The following LNX1 variants were observed in gnomAD, a reference collection of about 807,000 sequenced individuals.
LNX1 encodes the protein E3 ubiquitin-protein ligase LNX.
Under a neutral mutation model 68.4 loss-of-function variants are expected in LNX1, and 54 were observed. That is an observed-to-expected ratio of 0.79 (90% CI 0.63 to 0.99). The LOEUF is 0.99. LNX1 is among the 50% of genes least tolerant of loss of function. The pLI is 0.00. For synonymous variants in LNX1, 336 were observed against 350.0 expected (o/e 0.96, Z 0.45); for missense variants, 906 against 926.4 (o/e 0.98, Z 0.29).
rs1454698619 is a variant in LNX1, at chr4:53,460,637, T to A, written c.*270A>T. 3.0e-6 allele frequency: 1 copy of A among 338,306 alleles called. No individual in the cohort carries two copies. The highest frequency in any genetic ancestry group is 2.1e-5 in the African/African-American group (1 of 46,564). 21.0% of individuals were successfully genotyped at this position (338,306 alleles called of 1,614,324 possible). On this transcript the variant is annotated 3_prime_UTR_variant, in exon 11 of 11. Transcript: ENST00000263925. The stretch of plus-strand genomic sequence containing the variant: ...AGTGGGGTATACAAATCATTTTAGT[T>A]GTTTTAGGGCTTTTTATTGAATAGA...
chr4:53,576,172 G>A, intron 1 of LNX1: 1 of 1,576,202 alleles, frequency 6.3e-7, no homozygotes, highest in South Asian at 1.2e-5. Flanking sequence ...CCATGTTGCT[G>A]ACTTTCAGTG....
chr4:53,571,528 A>C (rs575184574), intron 2 of LNX1, among the ~76,000 whole-genome samples: 4 of 152,294 alleles, frequency 2.6e-5, no homozygotes, highest in Admixed American at 2.0e-4. Flanking sequence ...GAAGACAGGC[A>C]GCACTAGAAG....
At chr4:53,648,081 G>A (rs760966835) in intron 1 of LNX1, among the ~76,000 whole-genome samples, 5 of 152,222 alleles carry the variant, frequency 3.3e-5, no homozygotes, top group Non-Finnish European at 7.3e-5. Context: ...ACAAATATAT[G>A]TTTGAGTCCC....
At chr4:53,621,886 T>C (rs1733893160), upstream of LNX1, among the ~76,000 whole-genome samples, 1 of 152,116 alleles carries the variant, frequency 6.6e-6, no homozygotes, top group Admixed American at 6.5e-5. Context: ...ACCGGATTTG[T>C]TGCCTCATTA....
At chr4:53,635,771 A>G (rs1734449222) in intron 1 of LNX1, among the ~76,000 whole-genome samples, 1 of 152,220 alleles carries the variant, frequency 6.6e-6, no homozygotes, top group Non-Finnish European at 1.5e-5. Flanking sequence ...GTTTTAACCT[A>G]GTGCTTTTAA....
chr4:53,469,019 T>C (rs1269257057), intron 9 of LNX1, among the ~76,000 whole-genome samples: 3 of 152,156 alleles, frequency 2.0e-5, no homozygotes, highest in Non-Finnish European at 4.4e-5. Flanking sequence ...CTCTCCACCC[T>C]AAATCAACAG....
chr4:53,557,759 G>T, intron 2 of LNX1: 1 of 1,221,488 alleles, frequency 8.2e-7, no homozygotes, highest in Non-Finnish European at 1.1e-6. Flanking sequence ...TTGTCCAAGT[G>T]CATCTAGTAT....
chr4:53,544,993 C>G (rs930961985), intron 2 of LNX1, among the ~76,000 whole-genome samples: 7 of 152,154 alleles, frequency 4.6e-5, no homozygotes, highest in Non-Finnish European at 7.3e-5. Flanking sequence ...TTGCATTGCA[C>G]GAAGGTGGAG....
At chr4:53,541,690 A>T (rs1194963647) in intron 2 of LNX1, among the ~76,000 whole-genome samples, 1 of 152,226 alleles carries the variant, frequency 6.6e-6, no homozygotes, top group African/African-American at 2.4e-5. Context: ...GAGCCAAAAC[A>T]GAACGACTTA....
At chr4:53,585,499 A>G (rs576325913) in intron 1 of LNX1, among the ~76,000 whole-genome samples, 1 of 152,274 alleles carries the variant, frequency 6.6e-6, no homozygotes, top group African/African-American at 2.4e-5. Flanking sequence ...TGTGACTATG[A>G]CCTTACAGGA....
intron 2 of LNX1, among the ~76,000 whole-genome samples, chr4:53,528,440 C>T (rs1727783554): frequency 6.6e-6 from 1 of 152,196 alleles, no homozygotes; most frequent in East Asian, 1.9e-4. Context: ...CTCATATTAT[C>T]ACATGTAGAA....
chr4:53,486,433 C>A (rs2109434760), intron 6 of LNX1, among the ~76,000 whole-genome samples: 1 of 152,288 alleles, frequency 6.6e-6, no homozygotes, highest in Non-Finnish European at 1.5e-5. Context: ...TGATGCCATC[C>A]ATATTCTCCC....
At chr4:53,491,487 A>G (rs377730061) in intron 6 of LNX1, among the ~76,000 whole-genome samples, 28 of 152,256 alleles carry the variant, frequency 1.8e-4, no homozygotes, top group Middle Eastern at 3.4e-3. Flanking sequence ...AACTGTACCA[A>G]CCTAGTTCAG....
At chr4:53,648,304 T>TA (rs1184113428) in intron 1 of LNX1, among the ~76,000 whole-genome samples, 12 of 152,254 alleles carry the variant, frequency 7.9e-5, no homozygotes, top group Non-Finnish European at 1.5e-4. Context: ...GTAGCCATGC[T>TA]AATGGGTGGG....
intron 9 of LNX1, among the ~76,000 whole-genome samples, chr4:53,468,902 C>T (rs1722918440): frequency 6.6e-6 from 1 of 152,166 alleles, no homozygotes; most frequent in East Asian, 1.9e-4. Flanking sequence ...GAGACTTTAA[C>T]ACCCCATTGT....
chr4:53,602,827 C>T (rs954767769), intron 2 of LNX1: 1 of 152,218 alleles, frequency 6.6e-6, no homozygotes, highest in African/African-American at 2.4e-5. Flanking sequence ...TCATTTTACT[C>T]TATTTTAAAA....
chr4:53,618,870 T>C (rs1350661005), upstream of LNX1, among the ~76,000 whole-genome samples: 3 of 152,200 alleles, frequency 2.0e-5, no homozygotes, highest in Non-Finnish European at 2.9e-5. Flanking sequence ...TTCCAGGGTG[T>C]GTTTTACCTG....
chr4:53,501,299 T>C (rs58628142), intron 4 of LNX1, among the ~76,000 whole-genome samples: 2 of 38,792 alleles, frequency 5.2e-5, no homozygotes, highest in Admixed American at 8.0e-4. Flanking sequence ...TTTTTTTTTT[T>C]GGGGGTGGGG....
intron 3 of LNX1, 76 bp from the exon 4 acceptor site, chr4:53,507,545 A>ATG: frequency 6.7e-7 from 1 of 1,485,412 alleles, no homozygotes; most frequent in Non-Finnish European, 9.3e-7. Flanking sequence ...CTGATAAGAT[A>ATG]TACACAATAA....
Sources: allele counts gnomAD v4.1 joint callset (sites outside exome capture counted in the v4.1 genomes callset), GRCh38; gene constraint gnomAD v4.1.1; transcripts MANE v1.5; gene names NCBI Gene and HGNC (gene_info 2026-07-23, HGNC 2026-07-21).